Variants in CPNE9 observed in about 807,000 individuals in gnomAD.
CPNE9 encodes the protein copine family member 9.
Under a neutral mutation model 83.0 loss-of-function variants are expected in CPNE9, and 59 were observed. That is an observed-to-expected ratio of 0.71 (90% confidence interval 0.58 to 0.88). CPNE9 has a LOEUF of 0.88. CPNE9 is among the 40% of genes least tolerant of loss of function. The pLI is 0.00. For synonymous variants in CPNE9, 256 were observed against 273.4 expected, an observed-to-expected ratio of 0.94 and a Z score of 0.63; for missense variants, 619 against 720.8, an observed-to-expected ratio of 0.86 and a Z score of 1.62.
intron 10 of CPNE9, among the ~76,000 whole-genome samples, chr3:9,713,799 C>T (rs911813785): frequency 1.3e-5 from 2 of 151,950 alleles, no homozygotes; most frequent in South Asian, 4.1e-4. Context: ...GGGCCGGGCG[C>T]GGTGGCTCAC....
At chr3:9,710,259 C>T (rs945438395) in intron 7 of CPNE9, among the ~76,000 whole-genome samples, 2 of 152,148 alleles carry the variant, frequency 1.3e-5, no homozygotes, top group African/African-American at 4.8e-5. Flanking sequence ...GTGATGTTCT[C>T]GTGCAGACAA....
At position 9,704,652 on chromosome 3, in the gene CPNE9, G is replaced by A. The variant is rs2076541533; in HGVS notation, c.109+25G>A. The A allele has an allele frequency of 1.2e-6, 2 of 1,613,404 alleles. No homozygotes were observed. The highest frequency in any genetic ancestry group is 2.7e-5 in the African/African-American group (2 of 74,936). On this transcript the variant is annotated intron_variant, in intron 2 of 20. Transcript: ENST00000383832. This position sits in a 1 kb window ranked among gnomAD's most constrained non-coding sequence, Gnocchi z 7.1. ...AGTAGGCGGCTCCAGGACCGGGAGG[G>A]GGAACTTGGGGTCTGGGCGCGACTC...
At chr3:9,705,419 T>TACCCCCCCCCCCCCCCCCCCCCCC in intron 4 of CPNE9, 45 bp from the exon 5 acceptor site, 2 of 662,622 alleles carry the variant, frequency 3.0e-6, no homozygotes, top group Non-Finnish European at 5.4e-6. Context: ...TTCCACCCTC[T>TACCCCCCCCCCCCCCCCCCCCCCC]CCCCCACCCA....
chr3:9,706,094 G>T, intron 7 of CPNE9, 31 bp downstream of exon 7: 1 of 1,604,562 alleles, frequency 6.2e-7, no homozygotes. Context: ...TGTGGGAGTG[G>T]GGTGGGGGCT....
rs139476663 is a variant in CPNE9 at position 9,704,994 on chromosome 3, T to C, written c.260T>C (p.Val87Ala). 229 of 1,605,376 alleles carry C rather than the reference T, an allele frequency of 1.4e-4. No individual in the cohort carries two copies. In the East Asian group the frequency reaches 4.4e-3, roughly 31 times the overall value. The change falls in exon 4 of 21, where the codon GTG becomes GCG. Residue 87 changes from valine to alanine, a missense_variant and splice_region_variant. Val to Ala is a moderately conservative substitution (Grantham distance 64). Coordinates refer to ENST00000383832, the MANE Select transcript of CPNE9 (RefSeq NM_153635.3). This position sits in a 1 kb window ranked among gnomAD's most constrained non-coding sequence, Gnocchi z 7.1. Reference protein sequence around the residue: ...FEEKQNLRFDVYNVDSKTNIS... With the variant: ...FEEKQNLRFDAYNVDSKTNIS... ...GAAAAGCAAAATCTGCGCTTCGATGTGTGAGGCCCCGCCTGGAATTCTGGC... is the reference window on the plus strand; with the variant it reads ...GAAAAGCAAAATCTGCGCTTCGATGCGTGAGGCCCCGCCTGGAATTCTGGC...
rs778884176 is a variant in CPNE9 at position 9,729,709 on chromosome 3, A to G, written c.*17A>G. On this transcript the variant is annotated 3_prime_UTR_variant, in exon 21 of 21. Transcript: ENST00000383832. ...CAGCCCTGAGGATTCCACATATCCA[A>G]TGCCTCACAGTCTGCAAGCCTGCTC... The G allele has an allele frequency of 3.7e-5, 59 of 1,601,928 alleles. No individual in the cohort carries two copies. The African/African-American group carries it at 7.6e-4, about 21-fold the overall frequency.
intron 4 of CPNE9, 45 bp from the exon 5 acceptor site, chr3:9,705,419 T>TACCCCC: frequency 2.6e-5 from 17 of 662,436 alleles, no homozygotes; most frequent in Non-Finnish European, 3.5e-5. Context: ...TTCCACCCTC[T>TACCCCC]CCCCCACCCA....
chr3:9,705,417 T>TC, intron 4 of CPNE9, 47 bp from the exon 5 acceptor site: 3 of 570,212 alleles, frequency 5.3e-6, no homozygotes, highest in Non-Finnish European at 9.8e-6. Flanking sequence ...CTTTCCACCC[T>TC]CTCCCCCACC....
rs2076814159 is a variant in CPNE9 at position 9,729,829 on chromosome 3, C to T, written c.*137C>T. Reference sequence around the variant, plus strand: ...GATCAGTGCTGGCTGACAAGCCCTCCGCCTCCTTGCCTGCAGAGGGCCTGG... The same window carrying T: ...GATCAGTGCTGGCTGACAAGCCCTCTGCCTCCTTGCCTGCAGAGGGCCTGG... On this transcript the variant is annotated 3_prime_UTR_variant, in exon 21 of 21. Coordinates refer to ENST00000383832, the MANE Select transcript of CPNE9 (RefSeq NM_153635.3). 18 of 1,276,558 alleles carry T rather than the reference C, an allele frequency of 1.4e-5. No individual in the cohort carries two copies. Among genetic ancestry groups the T allele is most frequent in the East Asian group, 5.2e-5 (2 of 38,800 alleles). 79.1% of individuals were successfully genotyped at this position (1,276,558 alleles called of 1,614,324 possible).
At chr3:9,718,659 C>T (rs902547698) in intron 17 of CPNE9, 57 bp downstream of exon 17, 34 of 1,583,846 alleles carry the variant, frequency 2.1e-5, no homozygotes, top group Non-Finnish European at 2.8e-5. Flanking sequence ...AGGGATTGAC[C>T]CCCCAAGGAT....
At position 9,704,162 on chromosome 3, in the gene CPNE9, G is replaced by A. The variant is rs898485016; in HGVS notation, c.68+98G>A. 2.6e-6 allele frequency: 3 copies of A among 1,157,290 alleles called. No homozygotes were observed. The African/African-American group carries it at 4.7e-5, about 18-fold the overall frequency. 71.7% of individuals were successfully genotyped at this position (1,157,290 alleles called of 1,614,324 possible). Reference sequence around the variant, plus strand: ...TGGGCAGGGGCTAGACCCCCGGGGAGAGGCGAAATTGGCTGGAAAATCACA... The same window carrying A: ...TGGGCAGGGGCTAGACCCCCGGGGAAAGGCGAAATTGGCTGGAAAATCACA... On this transcript the variant is annotated intron_variant, in intron 1 of 20. Transcript: ENST00000383832. The surrounding 1 kb of genome is among the most constrained non-coding windows in gnomAD (Gnocchi z 7.1).
At chr3:9,728,582 C>T (rs1241201205) in intron 20 of CPNE9, among the ~76,000 whole-genome samples, 4 of 152,064 alleles carry the variant, frequency 2.6e-5, no homozygotes, top group Non-Finnish European at 5.9e-5. Flanking sequence ...GAGATCGCAC[C>T]ATTGCTCTCC....
At chr3:9,709,523 C>T (rs925537154) in intron 7 of CPNE9, among the ~76,000 whole-genome samples, 19 of 151,248 alleles carry the variant, frequency 1.3e-4, no homozygotes, top group East Asian at 8.3e-4. Context: ...CGCCTGCCAC[C>T]GCGCCCAGCC....
chr3:9,705,000 G>A lies in CPNE9; in HGVS notation c.260+6G>A, dbSNP rs906633165. The A allele has an allele frequency of 6.3e-6, 10 of 1,599,238 alleles. No individual in the cohort carries two copies. The highest frequency in any genetic ancestry group is 5.4e-5 in the African/African-American group (4 of 74,612). ...CAAAATCTGCGCTTCGATGTGTGAG[G>A]CCCCGCCTGGAATTCTGGCTTGGCC... On this transcript the variant is annotated splice_donor_region_variant and intron_variant, in intron 4 of 20. Transcript: ENST00000383832. The surrounding 1 kb of genome is among the most constrained non-coding windows in gnomAD (Gnocchi z 7.1).
chr3:9,704,018 G>A lies in CPNE9; in HGVS notation c.22G>A (p.Glu8Lys). ...AGCCATGTCTCTCGGCGGAGCCTCCGAGCGCAGCGTCCCGGCCACCAAGAT... is the reference window on the plus strand; with the variant it reads ...AGCCATGTCTCTCGGCGGAGCCTCCAAGCGCAGCGTCCCGGCCACCAAGAT... The part of the protein sequence containing the change: MSLGGAS[E>K]RSVPATKIEI... Residue 8 changes from glutamate (E) to lysine (K), a missense_variant, in exon 1 of 21, where the codon GAG (glutamate) becomes AAG (lysine). By Grantham distance (56) the Glu-to-Lys change is moderately conservative. Transcript: ENST00000383832. This position sits in a 1 kb window ranked among gnomAD's most constrained non-coding sequence, Gnocchi z 7.1. The A allele has an allele frequency of 6.2e-7, 1 of 1,607,608 alleles. No individual in the cohort carries two copies. The highest frequency in any genetic ancestry group is 8.5e-7 in the Non-Finnish European group (1 of 1,178,452).
chr3:9,726,222 C>A (rs532580500), intron 18 of CPNE9, among the ~76,000 whole-genome samples, 171 bp downstream of exon 18: 1 of 152,282 alleles, frequency 6.6e-6, no homozygotes, highest in Non-Finnish European at 1.5e-5. Context: ...CCAGCAAAAG[C>A]AGTAGCTGGA....
chr3:9,713,604 G>A (rs2076650777), intron 10 of CPNE9, among the ~76,000 whole-genome samples: 1 of 152,154 alleles, frequency 6.6e-6, no homozygotes, highest in African/African-American at 2.4e-5. Context: ...AGGATGAATA[G>A]AAAAGCAGGT....
intron 20 of CPNE9, among the ~76,000 whole-genome samples, chr3:9,728,232 A>G (rs912678919): frequency 6.6e-6 from 1 of 152,200 alleles, no homozygotes; most frequent in Non-Finnish European, 1.5e-5. Flanking sequence ...TCATGCCTAT[A>G]ATCCCAACAC....
At chr3:9,716,064 A>C in intron 14 of CPNE9, 29 bp downstream of exon 14, 1 of 1,584,438 alleles carries the variant, frequency 6.3e-7, no homozygotes, top group Non-Finnish European at 8.6e-7. Context: ...TCTGGGCTGA[A>C]AGCCCGGCAA....
Sources: gnomAD v4.1 joint callset for allele counts (sites outside exome capture counted in the v4.1 genomes callset) on GRCh38, gnomAD v4.1.1 for gene constraint, Gnocchi (gnomAD v3.1) non-coding constraint, MANE v1.5 for transcripts, NCBI Gene and HGNC (gene_info 2026-07-23, HGNC 2026-07-21) for gene names.